Variants in CENPP observed in about 807,000 individuals in gnomAD.
The protein encoded by CENPP is centromere protein P.
Under a neutral mutation model 35.6 loss-of-function variants are expected in CENPP, and 24 were observed. That is an observed-to-expected ratio of 0.67 (90% CI 0.49 to 0.95). The LOEUF is 0.95. Among genes scored for constraint, CENPP ranks in the 40% least tolerant of loss-of-function variants. The pLI is 0.00. For missense variants in CENPP, 332 were observed against 345.3 expected, an observed-to-expected ratio of 0.96 and a Z score of 0.31; for synonymous variants, 120 against 125.5, an observed-to-expected ratio of 0.96 and a Z score of 0.29.
chr9:92,512,131 G>A (rs894682254), intron 5 of CENPP: 27 of 1,605,582 alleles, frequency 1.7e-5, no homozygotes, highest in Non-Finnish European at 2.0e-5. Flanking sequence ...AATTGCCTAG[G>A]ACACACAGCG....
In CENPP at chr9:92,536,995, G is replaced by A. The variant is rs150362801; in HGVS notation, c.565-74319G>A. Among the ~76,000 whole-genome samples, 21 of 150,920 alleles carry A rather than the reference G, an allele frequency of 1.4e-4. No homozygotes were observed. In the East Asian group the frequency reaches 3.9e-3, roughly 28 times the overall value. The stretch of plus-strand genomic sequence containing the variant: ...AGGGATTCTCCTGCCTCAGCTTCCC[G>A]AGTAGGTGGGCTTAAAGGCGCCTGC... On this transcript the variant is annotated intron_variant, in intron 5 of 7. Coordinates refer to ENST00000375587, the MANE Select transcript of CENPP (RefSeq NM_001012267.3).
chr9:92,551,951 A>ATG (rs1564000008), intron 5 of CENPP, among the ~76,000 whole-genome samples: 1 of 117,424 alleles, frequency 8.5e-6, no homozygotes, highest in Admixed American at 8.1e-5. Context: ...ATATATATAT[A>ATG]TGATATATAT....
At chr9:92,528,706 T>C (rs1031958870) in intron 5 of CENPP, among the ~76,000 whole-genome samples, 4 of 152,188 alleles carry the variant, frequency 2.6e-5, no homozygotes, top group African/African-American at 9.7e-5. Context: ...TAATTAGCCC[T>C]AGGCTAAAGG....
intron 4 of CENPP, among the ~76,000 whole-genome samples, chr9:92,376,004 G>T (rs574177981): frequency 9.9e-5 from 15 of 152,242 alleles, no homozygotes; most frequent in Admixed American, 3.3e-4. Context: ...CTCCAGGTCT[G>T]TGCATTTTGG....
At chr9:92,406,978 G>A (rs1053477475) in intron 5 of CENPP, among the ~76,000 whole-genome samples, 12 of 152,140 alleles carry the variant, frequency 7.9e-5, no homozygotes, top group African/African-American at 2.9e-4. Context: ...ACTCACTGAA[G>A]ACCATTATAC....
chr9:92,368,241 T>G (rs951398161), intron 4 of CENPP, among the ~76,000 whole-genome samples: 5 of 152,170 alleles, frequency 3.3e-5, no homozygotes, highest in African/African-American at 1.2e-4. Context: ...CAAACTTTGT[T>G]TCACACACAA....
At position 92,619,355 on chromosome 9, in the gene CENPP, G is replaced by A. The variant is rs1851549583; in HGVS notation, c.*6206G>A. 1 of 713,576 alleles carries A rather than the reference G, an allele frequency of 1.4e-6. No homozygotes were observed. The highest frequency in any genetic ancestry group is 2.4e-6 in the Non-Finnish European group (1 of 408,448). 44.2% of individuals were successfully genotyped at this position (713,576 alleles called of 1,614,324 possible). On this transcript the variant is annotated 3_prime_UTR_variant, in exon 8 of 8. Transcript: ENST00000375587. ...TAGTAAGCCCCATGATGTCACATAG[G>A]CCAAGGAAGTTATGTCACTCCGCCA...
chr9:92,437,184 A>G (rs1844266023), intron 5 of CENPP, among the ~76,000 whole-genome samples: 1 of 152,188 alleles, frequency 6.6e-6, no homozygotes, highest in Non-Finnish European at 1.5e-5. Context: ...CCTGGGCAAC[A>G]AGAGCGAAAC....
chr9:92,439,395 A>T (rs1456959265), intron 5 of CENPP, among the ~76,000 whole-genome samples: 1 of 152,076 alleles, frequency 6.6e-6, no homozygotes, highest in Non-Finnish European at 1.5e-5. Flanking sequence ...TTTTTAAAAT[A>T]TGTGGGAAAT....
intron 5 of CENPP, among the ~76,000 whole-genome samples, chr9:92,581,974 T>C (rs1416784758): frequency 1.3e-5 from 2 of 151,510 alleles, no homozygotes; most frequent in Non-Finnish European, 2.9e-5. Context: ...AGGTAACCCC[T>C]TAACAAAAAT....
At chr9:92,380,036 C>A (rs147631650) in intron 5 of CENPP, among the ~76,000 whole-genome samples, 177 bp downstream of exon 5, 2 of 152,326 alleles carry the variant, frequency 1.3e-5, no homozygotes, top group Admixed American at 1.3e-4. Context: ...CTGTACAAAT[C>A]AGTGAACAAT....
chr9:92,473,885 A>T (rs1339095949), intron 5 of CENPP, among the ~76,000 whole-genome samples: 3 of 152,102 alleles, frequency 2.0e-5, no homozygotes, highest in Non-Finnish European at 4.4e-5. Context: ...GCTCATACAG[A>T]CTCATGAAGT....
At chr9:92,498,461 ATATT>A (rs1846484902) in intron 5 of CENPP, among the ~76,000 whole-genome samples, 1 of 151,950 alleles carries the variant, frequency 6.6e-6, no homozygotes, top group African/African-American at 2.4e-5. Flanking sequence ...AAATATATAT[ATATT>A]AAAAAAAGAC....
chr9:92,437,831 C>CT (rs1224385380), intron 5 of CENPP, among the ~76,000 whole-genome samples: 1 of 151,844 alleles, frequency 6.6e-6, no homozygotes, highest in Non-Finnish European at 1.5e-5. Flanking sequence ...TCAATCACAA[C>CT]TTACTGCAAC....
At chr9:92,442,141 T>A (rs1231957790) in intron 5 of CENPP, among the ~76,000 whole-genome samples, 4 of 152,068 alleles carry the variant, frequency 2.6e-5, no homozygotes, top group Admixed American at 2.6e-4. Flanking sequence ...CTCACACCTG[T>A]AATCCCAGAA....
At chr9:92,439,377 T>A (rs560851014) in intron 5 of CENPP, among the ~76,000 whole-genome samples, 22 of 152,102 alleles carry the variant, frequency 1.4e-4, no homozygotes, top group African/African-American at 5.1e-4. Flanking sequence ...TAATTTAAAA[T>A]ATATATATTT....
chr9:92,455,457 G>A (rs72752502), intron 5 of CENPP, among the ~76,000 whole-genome samples: 4,522 of 151,858 alleles, frequency 0.03, 104 homozygotes, highest in South Asian at 0.079. Flanking sequence ...GCCATCTAGT[G>A]TGTAGAGACC....
chr9:92,404,518 T>C, intron 5 of CENPP: 1 of 1,296,626 alleles, frequency 7.7e-7, no homozygotes, highest in Non-Finnish European at 1.0e-6. Context: ...TTTGAAGTTT[T>C]TTGTGGTTTT....
intron 5 of CENPP, among the ~76,000 whole-genome samples, chr9:92,518,739 A>G (rs1847881434): frequency 6.6e-6 from 1 of 152,116 alleles, no homozygotes; most frequent in Non-Finnish European, 1.5e-5. Flanking sequence ...AAATACAAAA[A>G]TTAGCCGAGT....
Sources: gnomAD v4.1 joint callset for allele counts (sites outside exome capture counted in the v4.1 genomes callset) on GRCh38, gnomAD v4.1.1 for gene constraint, MANE v1.5 for transcripts, NCBI Gene and HGNC (gene_info 2026-07-23, HGNC 2026-07-21) for gene names.